Variants in COL9A1 observed in about 807,000 individuals in gnomAD.
COL9A1 encodes collagen type IX alpha 1 chain.
In COL9A1, 104 loss-of-function variants were observed where a neutral mutation model predicts 142.6. The ratio of observed to expected loss-of-function variants is 0.73; its 90% confidence interval spans 0.62 to 0.86. The LOEUF is 0.86. Among genes scored for constraint, COL9A1 ranks in the 40% least tolerant of loss-of-function variants. COL9A1 has a pLI of 0.00. For missense variants in COL9A1, 1,210 were observed against 1,176.6 expected (o/e 1.03, Z -0.42); for synonymous variants, 466 against 396.0 (o/e 1.18, Z -2.10).
At chr6:70,267,454 C>T in intron 17 of COL9A1, among the ~76,000 whole-genome samples, 1 of 151,632 alleles carries the variant, frequency 6.6e-6, no homozygotes, top group East Asian at 1.9e-4. Flanking sequence ...TCCCGAGTAG[C>T]TGGGATTACA....
At chr6:70,222,115 T>A (rs1303247470) in intron 37 of COL9A1, among the ~76,000 whole-genome samples, 1 of 152,188 alleles carries the variant, frequency 6.6e-6, no homozygotes, top group South Asian at 2.1e-4. Context: ...TGTTATTACC[T>A]GACAGACTTT....
intron 12 of COL9A1, among the ~76,000 whole-genome samples, chr6:70,272,909 A>G (rs1403336754): frequency 6.6e-6 from 1 of 151,894 alleles, no homozygotes; most frequent in Non-Finnish European, 1.5e-5. Flanking sequence ...TCCAAGTTCA[A>G]TTTTTTCCCC....
chr6:70,271,995 T>G, intron 13 of COL9A1, 70 bp downstream of exon 13: 2 of 1,454,872 alleles, frequency 1.4e-6, no homozygotes, highest in Non-Finnish European at 1.9e-6. Context: ...AGTAGGAGAA[T>G]AAGGTGGGGA....
In COL9A1 at chr6:70,217,027, G is replaced by T. The variant is rs1156605612; in HGVS notation, c.2636C>A (p.Pro879His). Residue 879 changes from proline (P) to histidine (H), a missense_variant, in exon 38 of 38, where the codon CCC (proline) becomes CAC (histidine). Coordinates refer to ENST00000357250, the MANE Select transcript of COL9A1 (RefSeq NM_001851.6). The part of the protein sequence containing the change: ...GRNGRDGERG[P>H]PGVAGIPGVP... ...TCCAGGAATTCCTGCCACCCCTGGG[G>T]GGCCTCGCTCACCGTCTCGGCCATT... is the stretch of plus-strand genomic sequence containing the variant. 6.8e-6 allele frequency: 11 copies of T among 1,614,060 alleles called. No individual in the cohort carries two copies. In the East Asian group the frequency reaches 2.0e-4, roughly 29 times the overall value.
At chr6:70,300,615 C>T (rs187670986) in intron 2 of COL9A1, among the ~76,000 whole-genome samples, 338 of 152,190 alleles carry the variant, frequency 2.2e-3, no homozygotes, top group Non-Finnish European at 3.4e-3. Context: ...CATGCCTCTA[C>T]GATTATAATC....
chr6:70,296,779 T>A (rs1239349352), intron 4 of COL9A1, among the ~76,000 whole-genome samples: 1 of 152,134 alleles, frequency 6.6e-6, no homozygotes, highest in Non-Finnish European at 1.5e-5. Flanking sequence ...ATAAATAGAT[T>A]ATTTTGATTT....
At chr6:70,225,831 A>G (rs1477397159) in intron 37 of COL9A1, 101 bp downstream of exon 37, 10 of 878,560 alleles carry the variant, frequency 1.1e-5, no homozygotes, top group Non-Finnish European at 1.7e-5. Context: ...TAATATGCTT[A>G]AGTGATCAAA....
intron 7 of COL9A1, 113 bp downstream of exon 7, chr6:70,282,785 T>G: frequency 2.0e-6 from 3 of 1,503,678 alleles, no homozygotes; most frequent in East Asian, 2.3e-5. Context: ...GAAGCGCGGG[T>G]CTGAGAGCCC....
At chr6:70,218,025 C>T (rs1268828539) in intron 37 of COL9A1, among the ~76,000 whole-genome samples, 1 of 152,124 alleles carries the variant, frequency 6.6e-6, no homozygotes, top group Non-Finnish European at 1.5e-5. Flanking sequence ...TGCCTGTAGT[C>T]CTAGCTACTC....
chr6:70,232,495 G>T, intron 36 of COL9A1, 88 bp downstream of exon 36: 3 of 1,408,096 alleles, frequency 2.1e-6, no homozygotes, highest in Non-Finnish European at 3.0e-6. Flanking sequence ...TTCAGAAATT[G>T]GTAAAACATA....
At position 70,242,010 on chromosome 6, in the gene COL9A1, G is replaced by T. The variant is rs139305174; in HGVS notation, c.1952C>A (p.Pro651His). 248 of 1,598,740 alleles carry T rather than the reference G, an allele frequency of 1.6e-4. 1 individual carries two copies. Among genetic ancestry groups the T allele is most frequent in the Non-Finnish European group, 2.0e-4 (239 of 1,171,572 alleles). ...KLGSLGSPGL[P>H]GLPGPPGLPG... is the part of the protein sequence containing the mutation. ...AAGTCCAGGGGGCCCAGGCAAGCCAGGGAGGCCAGGGCTACCCAGAGAACC... is the reference window on the plus strand; with the variant it reads ...AAGTCCAGGGGGCCCAGGCAAGCCATGGAGGCCAGGGCTACCCAGAGAACC... Residue 651 changes from proline (P) to histidine (H), a missense_variant, in exon 30 of 38, where the codon CCT becomes CAT. Coordinates refer to ENST00000357250, the MANE Select transcript of COL9A1 (RefSeq NM_001851.6).
In COL9A1 at chr6:70,252,291, G is replaced by C. The variant is rs1291242598; in HGVS notation, c.1789C>G (p.Pro597Ala). The C allele has an allele frequency of 6.2e-7, 1 of 1,614,184 alleles. No individual in the cohort carries two copies. The highest frequency in any genetic ancestry group is 1.7e-5 in the Admixed American group (1 of 60,026). Reference protein sequence around the residue: ...EKGSTGAPGKPGQMGNSGKPG... With the variant: ...EKGSTGAPGKAGQMGNSGKPG... ...TTGCCTGAATTTCCCATCTGACCAG[G>C]CTTCCCTGGAGCACCTGTGCTACCC... The change falls in exon 27 of 38, where the codon CCT (proline) becomes GCT (alanine). Residue 597 changes from proline (P) to alanine (A), a missense_variant. By Grantham distance (27) the Pro-to-Ala change is conservative. Coordinates refer to ENST00000357250, the MANE Select transcript of COL9A1 (RefSeq NM_001851.6).
chr6:70,285,935 C>T (rs918916206), intron 5 of COL9A1, among the ~76,000 whole-genome samples: 8 of 152,150 alleles, frequency 5.3e-5, no homozygotes, highest in African/African-American at 1.9e-4. Flanking sequence ...TGTTGCCAGG[C>T]TGGAGTGCAG....
intron 24 of COL9A1, 22 bp from the exon 25 acceptor site, chr6:70,254,551 CAT>C: frequency 1.9e-6 from 3 of 1,612,660 alleles, no homozygotes; most frequent in Non-Finnish European, 8.5e-7. Context: ...GCTTTTATCA[CAT>C]GATTGAACCT....
chr6:70,298,597 T>C (rs542922643), intron 4 of COL9A1, among the ~76,000 whole-genome samples: 11 of 152,302 alleles, frequency 7.2e-5, no homozygotes, highest in Admixed American at 1.3e-4. Context: ...GTGACAGCTC[T>C]AGACAACAAC....
intron 4 of COL9A1, among the ~76,000 whole-genome samples, chr6:70,295,228 G>A (rs9455029): frequency 0.22 from 32,826 of 150,004 alleles, 4,343 homozygotes; most frequent in East Asian, 0.46. Flanking sequence ...TGGATATGTG[G>A]CAAGGGAAAA....
At chr6:70,228,006 G>A (rs1769340352) in intron 36 of COL9A1, among the ~76,000 whole-genome samples, 2 of 152,256 alleles carry the variant, frequency 1.3e-5, no homozygotes, top group South Asian at 4.1e-4. Flanking sequence ...TAGTGGGAAG[G>A]AGAAAGGAAA....
At chr6:70,264,539 C>G (rs1011329685) in intron 18 of COL9A1, among the ~76,000 whole-genome samples, 3 of 151,948 alleles carry the variant, frequency 2.0e-5, no homozygotes, top group African/African-American at 7.2e-5. Context: ...TAATTAAATT[C>G]TACTTCTATT....
rs76938292 is a variant in COL9A1 at position 70,274,583 on chromosome 6, T to C, written c.1029+136A>G. ...CTGCATAGTATTCCACATCATGGTG[T>C]TTTTAAACACAATTTTAGTTGAACG... On this transcript the variant is annotated intron_variant, in intron 11 of 37. Transcript: ENST00000357250. The C allele has an allele frequency of 3.8e-3, 2,887 of 750,858 alleles. 66 individuals carry two copies. In the African/African-American group the frequency reaches 0.041, roughly 11 times the overall value. The allele number at this position is 750,858 out of a possible 1,614,324, so 46.5% of individuals were successfully genotyped here. A position where few individuals can be genotyped will look rare whatever the true frequency, so the allele number is the denominator to read the frequency against.
Sources: allele counts gnomAD v4.1 joint callset (sites outside exome capture counted in the v4.1 genomes callset), GRCh38; gene constraint gnomAD v4.1.1; transcripts MANE v1.5; gene names NCBI Gene and HGNC (gene_info 2026-07-23, HGNC 2026-07-21).